UBR4: variants seen among roughly 807,000 people sequenced by gnomAD.
UBR4 encodes the protein ubiquitin protein ligase E3 component n-recognin 4, also known as E3 ubiquitin-protein ligase UBR4.
A neutral mutation model predicts 575.6 loss-of-function variants in UBR4; 124 were observed. That is an observed-to-expected ratio of 0.22 (90% CI 0.19 to 0.25). The LOEUF is 0.25. UBR4 is among the 10% of genes least tolerant of loss of function. The pLI, the probability that UBR4 is intolerant of heterozygous loss-of-function variation, is 1.00. For missense variants in UBR4, 4,818 were observed against 6,478.8 expected (o/e 0.74, Z 8.80); for synonymous variants, 2,455 against 2,473.7 (o/e 0.99, Z 0.22).
chr1:19,104,880 G>C, intron 85 of UBR4, 168 bp downstream of exon 85: 1 of 1,208,846 alleles, frequency 8.3e-7, no homozygotes, highest in Non-Finnish European at 1.2e-6. Context: ...CCAAGAGTTT[G>C]CTACAGCTAC....
At chr1:19,121,082 C>T in intron 68 of UBR4, 107 bp downstream of exon 68, 2 of 1,471,070 alleles carry the variant, frequency 1.4e-6, no homozygotes, top group African/African-American at 1.4e-5. Context: ...GCTTTAAGTC[C>T]CCTCTAAATC....
intron 38 of UBR4, 60 bp from the exon 39 acceptor site, chr1:19,160,341 T>C: frequency 7.0e-7 from 1 of 1,438,126 alleles, no homozygotes; most frequent in South Asian, 1.4e-5. Context: ...CAATGGATAA[T>C]ACTTGTAAAA....
rs1051489282 is a variant in UBR4, at chr1:19,100,818, A to G, written c.13024-245T>C. Among the ~76,000 whole-genome samples, 5 of 151,920 alleles carry G rather than the reference A, an allele frequency of 3.3e-5. No individual in the cohort carries two copies. The highest frequency in any genetic ancestry group is 7.3e-5 in the African/African-American group (3 of 41,360). ...GGATTAGGAGATAAAGCCTAACAAA[A>G]CAAGCAGACAAGGAGTGACATATGA... On this transcript the variant is annotated intron_variant, in intron 88 of 105. Transcript: ENST00000375254. The surrounding 1 kb of genome is among the most constrained non-coding windows in gnomAD (Gnocchi z 4.2).
chr1:19,167,244 A>T lies in UBR4; in HGVS notation c.3900-13T>A, dbSNP rs200675797. 46 of 1,614,120 alleles carry T rather than the reference A, an allele frequency of 2.8e-5. No homozygotes were observed. Among genetic ancestry groups the T allele is most frequent in the Non-Finnish European group, 3.8e-5 (45 of 1,179,940 alleles). On this transcript the variant is annotated splice_polypyrimidine_tract_variant and intron_variant, in intron 28 of 105. Transcript: ENST00000375254. Reference sequence around the variant, plus strand: ...CTCATCTGACCAACTTCAGCAAAGAAAATGAAATCGAGTTAGTGAATACAC... The same window carrying T: ...CTCATCTGACCAACTTCAGCAAAGATAATGAAATCGAGTTAGTGAATACAC...
At position 19,187,145 on chromosome 1, in the gene UBR4, T is replaced by C. The variant is rs200772578; in HGVS notation, c.1632+19A>G. ...ATGAGACATTCTTCTAAATTATCAA[T>C]GGCTTAACTCCCACCCACCTTTCTG... On this transcript the variant is annotated intron_variant, in intron 13 of 105. Transcript: ENST00000375254. The C allele has an allele frequency of 2.9e-5, 46 of 1,580,100 alleles. No homozygotes were observed. In the East Asian group the frequency reaches 9.7e-4, roughly 33 times the overall value.
At chr1:19,187,625 G>A in intron 11 of UBR4, 85 bp from the exon 12 acceptor site, 2 of 1,382,778 alleles carry the variant, frequency 1.4e-6, no homozygotes, top group Non-Finnish European at 2.0e-6. Context: ...TGCCATTTTG[G>A]GGTTTCAGAC....
At chr1:19,180,897 G>A (rs1392809336) in intron 17 of UBR4, among the ~76,000 whole-genome samples, 2 of 152,154 alleles carry the variant, frequency 1.3e-5, no homozygotes, top group Admixed American at 1.3e-4. Flanking sequence ...AACTCTGGCT[G>A]AGTCCTCCCT....
rs776586977 is a variant in UBR4 at position 19,126,508 on chromosome 1, TCAGCAAC to T, written c.9369_9375del (p.Leu3124AsnfsTer11). 6.2e-7 allele frequency: 1 copy of T among 1,614,202 alleles called. No homozygotes were observed. Among genetic ancestry groups the T allele is most frequent in the Non-Finnish European group, 8.5e-7 (1 of 1,180,034 alleles). ...GGTGGGGAGGAGGTAGTATGTGGTT[TCAGCAAC>T]TGGCTGGTAGCCACAGGCTCCTCGT... On this transcript the variant is annotated frameshift_variant, in exon 64 of 106. Coordinates refer to ENST00000375254, the MANE Select transcript of UBR4 (RefSeq NM_020765.3). LOFTEE classifies it high-confidence loss of function.
chr1:19,176,797 T>A (rs2090309609), intron 19 of UBR4, 70 bp from the exon 20 acceptor site: 13 of 1,546,416 alleles, frequency 8.4e-6, no homozygotes, highest in Non-Finnish European at 1.1e-5. Context: ...TCAGGCATGA[T>A]AATAGCTCGG....
chr1:19,126,760 T>A (rs2081845384), intron 63 of UBR4, 105 bp from the exon 64 acceptor site: 12 of 1,207,990 alleles, frequency 9.9e-6, no homozygotes. Context: ...CAGTCTTAGC[T>A]TTTATGGCAG....
rs749263800 is a variant in UBR4, at chr1:19,160,084, C to CA, written c.5577+26dup. 7.5e-5 allele frequency: 120 copies of CA among 1,596,322 alleles called. 1 individual carries two copies. In the South Asian group the frequency reaches 1.3e-3, roughly 17 times the overall value. ...TAAATTTGTTGGTTCCCACAGCCAC[C>CA]AAACATCATGGCCCCAAGACACTCA... On this transcript the variant is annotated intron_variant, in intron 39 of 105. Coordinates refer to ENST00000375254, the MANE Select transcript of UBR4 (RefSeq NM_020765.3).
rs1381741759 is a variant in UBR4, at chr1:19,163,847, G to A, written c.4701-20C>T. ...TTCTTGCTGTCCCAAAGAAAAAAAA[G>A]AGGGGAAAGAGGAGACACAAAATCA... On this transcript the variant is annotated intron_variant, in intron 33 of 105. Transcript: ENST00000375254. 6.2e-7 allele frequency: 1 copy of A among 1,613,434 alleles called. No homozygotes were observed. Among genetic ancestry groups the A allele is most frequent in the Admixed American group, 1.7e-5 (1 of 59,960 alleles).
chr1:19,134,132 A>ATGG (rs936906272), intron 60 of UBR4, among the ~76,000 whole-genome samples: 7 of 148,336 alleles, frequency 4.7e-5, no homozygotes, highest in Non-Finnish European at 1.0e-4. Flanking sequence ...ACAGCTGGGC[A>ATGG]TGGTGGCAAG....
chr1:19,155,160 C>T, intron 43 of UBR4, 85 bp from the exon 44 acceptor site: 1 of 1,555,694 alleles, frequency 6.4e-7, no homozygotes, highest in Non-Finnish European at 8.8e-7. Context: ...TATTTTCAAT[C>T]ATGATCAGGT....
chr1:19,158,294 T>C (rs1389384187), intron 39 of UBR4, among the ~76,000 whole-genome samples: 3 of 152,248 alleles, frequency 2.0e-5, no homozygotes, highest in African/African-American at 7.2e-5. Context: ...TTTGTTTTCA[T>C]TGATCTAACC....
At chr1:19,097,618 T>C (rs1277265710) in intron 90 of UBR4, among the ~76,000 whole-genome samples, 1 of 152,222 alleles carries the variant, frequency 6.6e-6, no homozygotes, top group Non-Finnish European at 1.5e-5. Context: ...CTTTCTATGA[T>C]CCTTTTACAT....
intron 94 of UBR4, 46 bp from the exon 95 acceptor site, chr1:19,094,185 T>C: frequency 6.7e-7 from 1 of 1,490,608 alleles, no homozygotes; most frequent in East Asian, 2.3e-5. Context: ...CAGTCAGGAC[T>C]GTGGCTGCAG....
chr1:19,161,776 C>T, intron 36 of UBR4, 40 bp from the exon 37 acceptor site: 1 of 1,613,848 alleles, frequency 6.2e-7, no homozygotes, highest in East Asian at 2.2e-5. Flanking sequence ...TCAGAAGTCC[C>T]AACAATCGGT....
chr1:19,119,787 T>A, intron 69 of UBR4, 86 bp from the exon 70 acceptor site: 1 of 1,489,864 alleles, frequency 6.7e-7, no homozygotes, highest in Non-Finnish European at 9.1e-7. Context: ...GTACCTCAAT[T>A]TCCCCACAAT....
Sources: gnomAD v4.1 joint callset for allele counts (sites outside exome capture counted in the v4.1 genomes callset) on GRCh38, gnomAD v4.1.1 for gene constraint, Gnocchi (gnomAD v3.1) non-coding constraint, MANE v1.5 for transcripts, NCBI Gene and HGNC (gene_info 2026-07-23, HGNC 2026-07-21) for gene names.